COL5A2: variants seen among roughly 807,000 people sequenced by gnomAD.
COL5A2 encodes collagen alpha-2(V) chain.
COL5A2 carries 23 observed loss-of-function variants against 208.2 expected under a neutral mutation model. The ratio of observed to expected loss-of-function variants is 0.11; its 90% CI spans 0.08 to 0.16. The LOEUF (loss-of-function observed/expected upper bound fraction) is 0.16. COL5A2 is among the 10% of genes least tolerant of loss of function. The pLI is 1.00. For missense variants in COL5A2, 1,590 were observed against 1,956.4 expected, an observed-to-expected ratio of 0.81 and a Z score of 3.53; for synonymous variants, 625 against 628.5, an observed-to-expected ratio of 0.99 and a Z score of 0.08.
At chr2:189,319,346 G>A in the COL5A2 span, among the ~76,000 whole-genome samples, 18 of 152,254 alleles carry the variant, frequency 1.2e-4, no homozygotes, top group South Asian at 2.1e-4. Context: ...CGCACCAAGC[G>A]TGAGCCGAAG....
At chr2:189,214,789 G>A (rs1689258193) in intron 1 of COL5A2, among the ~76,000 whole-genome samples, 1 of 152,080 alleles carries the variant, frequency 6.6e-6, no homozygotes. Flanking sequence ...GTTTCTTGTG[G>A]TAATTTGAAA....
chr2:189,134,723 C>G (rs967530231), intron 1 of COL5A2, among the ~76,000 whole-genome samples: 1 of 152,068 alleles, frequency 6.6e-6, no homozygotes, highest in Non-Finnish European at 1.5e-5. Context: ...AACAACAAAC[C>G]AAGGGCAAAT....
Position 189,033,576 on chromosome 2 carries a change from A to G in COL5A2, c.*494T>C, listed in dbSNP as rs1685380102. On this transcript the variant is annotated 3_prime_UTR_variant, in exon 54 of 54. Transcript: ENST00000374866. ...TCTCGATCACAAGTTAAACATTTTA[A>G]ACTCATTTTTAATTGACAATCTTGG... The G allele has an allele frequency of 5.7e-6, 1 of 175,078 alleles. No homozygotes were observed. Among genetic ancestry groups the G allele is most frequent in the Admixed American group, 5.5e-5 (1 of 18,208 alleles). The allele number at this position is 175,078 out of a possible 1,614,324, so 10.8% of individuals were successfully genotyped here.
chr2:189,055,910 C>T (rs1313136365), intron 35 of COL5A2, among the ~76,000 whole-genome samples: 2 of 152,164 alleles, frequency 1.3e-5, no homozygotes, highest in South Asian at 2.1e-4. Context: ...CATTCCAGGA[C>T]ATCCATGATG....
chr2:189,170,351 G>A (rs1186551422), intron 1 of COL5A2, among the ~76,000 whole-genome samples: 2 of 152,138 alleles, frequency 1.3e-5, no homozygotes, highest in Non-Finnish European at 2.9e-5. Flanking sequence ...AATATAAAAT[G>A]ACTTCATGAC....
chr2:189,382,362 A>C, the COL5A2 span, among the ~76,000 whole-genome samples: 1 of 152,078 alleles, frequency 6.6e-6, no homozygotes, highest in Non-Finnish European at 1.5e-5. Flanking sequence ...TGTCTCAAAA[A>C]ATAAAATAAA....
chr2:189,314,050 A>G, the COL5A2 span, among the ~76,000 whole-genome samples: 2 of 152,154 alleles, frequency 1.3e-5, no homozygotes, highest in Admixed American at 1.3e-4. Context: ...CAGAAAATTA[A>G]CAAAGATATT....
chr2:189,255,372 A>T, the COL5A2 span, among the ~76,000 whole-genome samples: 1 of 152,196 alleles, frequency 6.6e-6, no homozygotes. Flanking sequence ...GGTGATTTTA[A>T]TGCCATCTGT....
intron 11 of COL5A2, among the ~76,000 whole-genome samples, chr2:189,084,347 G>A (rs1686604278): frequency 1.3e-5 from 2 of 152,054 alleles, no homozygotes; most frequent in Admixed American, 1.3e-4. Flanking sequence ...AAACATACAT[G>A]TATGCTATAG....
At chr2:189,400,831 T>C in the COL5A2 span, among the ~76,000 whole-genome samples, 4,243 of 152,258 alleles carry the variant, frequency 0.028, 196 homozygotes, top group African/African-American at 0.097. Context: ...AAACATAAAC[T>C]GCACGTGTAA....
At chr2:189,086,039 G>A (rs1207252163) in intron 9 of COL5A2, among the ~76,000 whole-genome samples, 5 of 152,170 alleles carry the variant, frequency 3.3e-5, no homozygotes, top group African/African-American at 9.7e-5. Flanking sequence ...CACAGTGTGT[G>A]AGTGCTCCAT....
chr2:189,415,760 C>A, the COL5A2 span, among the ~76,000 whole-genome samples: 1 of 152,088 alleles, frequency 6.6e-6, no homozygotes, highest in African/African-American at 2.4e-5. Flanking sequence ...CCCAGGTTCA[C>A]GCCAGTCTCC....
At chr2:189,036,561 T>C in intron 52 of COL5A2, 55 bp downstream of exon 52, 1 of 1,402,824 alleles carries the variant, frequency 7.1e-7, no homozygotes, top group Non-Finnish European at 9.9e-7. Context: ...ATCAAAAATA[T>C]GTAATAAGTA....
chr2:189,428,641 A>G, the COL5A2 span, among the ~76,000 whole-genome samples: 1 of 151,706 alleles, frequency 6.6e-6, no homozygotes, highest in South Asian at 2.1e-4. Context: ...AAAAGTATGA[A>G]GCACTTCCCC....
At chr2:189,180,138 C>G (rs1688755829), upstream of COL5A2, among the ~76,000 whole-genome samples, 1 of 152,070 alleles carries the variant, frequency 6.6e-6, no homozygotes, top group African/African-American at 2.4e-5. Context: ...GCCTTTTACC[C>G]TAGTTTTTTT....
Position 189,080,974 on chromosome 2 carries a change from A to T in COL5A2, c.906+16T>A. 1.9e-6 allele frequency: 3 copies of T among 1,608,520 alleles called. No homozygotes were observed. The highest frequency in any genetic ancestry group is 2.6e-6 in the Non-Finnish European group (3 of 1,175,038). On this transcript the variant is annotated intron_variant, in intron 13 of 53. Coordinates refer to ENST00000374866, the MANE Select transcript of COL5A2 (RefSeq NM_000393.5). ...AAACCACAGTATCTGAGAGGATTAC[A>T]ATAGATTGAACTTACTCGGTGACCC...
At chr2:189,175,357 A>G (rs1688655523) in intron 1 of COL5A2, among the ~76,000 whole-genome samples, 1 of 152,030 alleles carries the variant, frequency 6.6e-6, no homozygotes, top group African/African-American at 2.4e-5. Flanking sequence ...ATGCCTAGAA[A>G]GTACACGCAA....
chr2:189,311,604 T>A, the COL5A2 span: 1 of 1,025,824 alleles, frequency 9.7e-7, no homozygotes, highest in Non-Finnish European at 1.5e-6. Flanking sequence ...AAGCTGGCCT[T>A]CAGATTTCTC....
the COL5A2 span, among the ~76,000 whole-genome samples, chr2:189,265,782 T>C: frequency 6.6e-6 from 1 of 152,076 alleles, no homozygotes; most frequent in East Asian, 1.9e-4. Context: ...CACTTAACAC[T>C]CAGAGAAGTG....
Sources: gnomAD v4.1 joint callset for allele counts (sites outside exome capture counted in the v4.1 genomes callset) on GRCh38, gnomAD v4.1.1 for gene constraint, MANE v1.5 for transcripts, NCBI Gene and HGNC (gene_info 2026-07-23, HGNC 2026-07-21) for gene names.